Variants in COX7B2 observed in about 807,000 individuals in gnomAD.
The protein encoded by COX7B2 is cytochrome c oxidase subunit 7B2.
For synonymous variants in COX7B2, 37 were observed against 32.1 expected, an observed-to-expected ratio of 1.15 and a Z score of -0.51; for missense variants, 109 against 95.9, an observed-to-expected ratio of 1.14 and a Z score of -0.57.
intron 2 of COX7B2, among the ~76,000 whole-genome samples, chr4:46,835,838 C>T (rs2109741318): frequency 6.6e-6 from 1 of 152,258 alleles, no homozygotes; most frequent in South Asian, 2.1e-4. Context: ...ATCATACAGC[C>T]TACTACACAT....
chr4:46,886,173 G>T (rs983097379), intron 1 of COX7B2, among the ~76,000 whole-genome samples: 2 of 152,132 alleles, frequency 1.3e-5, no homozygotes, highest in Non-Finnish European at 2.9e-5. Flanking sequence ...GGTTAAAAAT[G>T]ACTCATTCAG....
intron 2 of COX7B2, among the ~76,000 whole-genome samples, chr4:46,769,275 T>C (rs919827280): frequency 6.6e-6 from 1 of 151,960 alleles, no homozygotes; most frequent in African/African-American, 2.4e-5. Context: ...ACAAGAAAAA[T>C]AATTACAGGA....
At chr4:46,821,623 C>A (rs1422286218) in intron 2 of COX7B2, among the ~76,000 whole-genome samples, 1 of 152,094 alleles carries the variant, frequency 6.6e-6, no homozygotes, top group African/African-American at 2.4e-5. Flanking sequence ...CTATACTACA[C>A]ATGTAGGAAG....
At chr4:46,904,029 G>A (rs1720228287) in intron 1 of COX7B2, 1 of 152,146 alleles carries the variant, frequency 6.6e-6, no homozygotes. Flanking sequence ...AAAAAAAGGT[G>A]AGCTGTATCT....
chr4:46,846,538 C>G (rs773037443), intron 1 of COX7B2, among the ~76,000 whole-genome samples: 5 of 151,948 alleles, frequency 3.3e-5, no homozygotes. Flanking sequence ...GTCAGACATG[C>G]AGTCTTCTGG....
At chr4:46,888,322 G>A (rs924319757) in intron 1 of COX7B2, among the ~76,000 whole-genome samples, 1 of 152,024 alleles carries the variant, frequency 6.6e-6, no homozygotes, top group African/African-American at 2.4e-5. Flanking sequence ...CCTATTTCTA[G>A]CTTGTTCATG....
chr4:46,752,692 G>A (rs193230789), intron 2 of COX7B2, among the ~76,000 whole-genome samples: 14 of 152,054 alleles, frequency 9.2e-5, no homozygotes, highest in African/African-American at 1.4e-4. Flanking sequence ...GGTTTTTGTC[G>A]TTGGTTCTGT....
At chr4:46,744,221 A>G (rs1452267093) in intron 2 of COX7B2, among the ~76,000 whole-genome samples, 1 of 151,954 alleles carries the variant, frequency 6.6e-6, no homozygotes, top group Admixed American at 6.6e-5. Context: ...CGTCTCAAAA[A>G]GCATCAAAGT....
intron 2 of COX7B2, among the ~76,000 whole-genome samples, chr4:46,802,497 G>T (rs998895896): frequency 6.6e-6 from 1 of 150,760 alleles, no homozygotes; most frequent in African/African-American, 2.5e-5. Flanking sequence ...TTTTCCAGTT[G>T]TTTTTTTAAA....
intron 2 of COX7B2, among the ~76,000 whole-genome samples, chr4:46,830,540 T>C (rs1340003530): frequency 6.6e-6 from 1 of 151,958 alleles, no homozygotes; most frequent in East Asian, 1.9e-4. Context: ...AAAGATTAGG[T>C]CTAAAAAAAC....
At chr4:46,857,385 C>A (rs1222688473) in intron 1 of COX7B2, among the ~76,000 whole-genome samples, 1 of 152,130 alleles carries the variant, frequency 6.6e-6, no homozygotes, top group African/African-American at 2.4e-5. Context: ...TCATAAAAAG[C>A]AAAATTTATT....
At chr4:46,756,082 C>T (rs1443141955) in intron 2 of COX7B2, among the ~76,000 whole-genome samples, 4 of 151,870 alleles carry the variant, frequency 2.6e-5, no homozygotes, top group Non-Finnish European at 4.4e-5. Flanking sequence ...CTATGGTAAC[C>T]AAAACACCAT....
intron 2 of COX7B2, among the ~76,000 whole-genome samples, chr4:46,830,910 G>A (rs1365448940): frequency 4.6e-5 from 7 of 152,326 alleles, no homozygotes; most frequent in African/African-American, 1.4e-4. Flanking sequence ...CGCTCTTGGC[G>A]CCTCCTAGGC....
intron 2 of COX7B2, among the ~76,000 whole-genome samples, chr4:46,781,375 A>G (rs1318025440): frequency 6.6e-6 from 1 of 152,250 alleles, no homozygotes; most frequent in African/African-American, 2.4e-5. Context: ...ACACACATTC[A>G]GAAACCAAGA....
intron 2 of COX7B2, among the ~76,000 whole-genome samples, chr4:46,786,101 A>G (rs1717741565): frequency 6.6e-6 from 1 of 152,084 alleles, no homozygotes. Flanking sequence ...TAAAAAAAAA[A>G]TGAAAACATG....
intron 1 of COX7B2, among the ~76,000 whole-genome samples, chr4:46,879,082 A>C (rs538860815): frequency 6.6e-6 from 1 of 152,320 alleles, no homozygotes; most frequent in South Asian, 2.1e-4. Context: ...ATATCTGGAC[A>C]TAATGAACTA....
intron 2 of COX7B2, among the ~76,000 whole-genome samples, chr4:46,842,864 G>A (rs189760886): frequency 5.3e-5 from 8 of 152,136 alleles, no homozygotes; most frequent in East Asian, 3.9e-4. Context: ...ATAAACATAC[G>A]TGTGCATGTG....
At chr4:46,836,742 GGGTTATTTAC>G (rs1715541807) in intron 2 of COX7B2, among the ~76,000 whole-genome samples, 1 of 152,060 alleles carries the variant, frequency 6.6e-6, no homozygotes, top group African/African-American at 2.4e-5. Context: ...ACAGTACAGT[GGGTTATTTAC>G]AGCAGCATCA....
At chr4:46,804,107 A>G (rs767631506) in intron 2 of COX7B2, among the ~76,000 whole-genome samples, 3 of 151,794 alleles carry the variant, frequency 2.0e-5, no homozygotes, top group Non-Finnish European at 2.9e-5. Context: ...AGACCTTCAC[A>G]GTGAGTGTCA....
Sources: gnomAD v4.1 joint callset for allele counts (sites outside exome capture counted in the v4.1 genomes callset) on GRCh38, gnomAD v4.1.1 for gene constraint, MANE v1.5 for transcripts, NCBI Gene and HGNC (gene_info 2026-07-23, HGNC 2026-07-21) for gene names.